CNTNAP2: variants seen among roughly 807,000 people sequenced by gnomAD.
CNTNAP2 encodes contactin-associated protein-like 2.
Under a neutral mutation model 155.2 loss-of-function variants are expected in CNTNAP2, and 98 were observed. The observed-to-expected ratio is 0.63, with a 90% CI of 0.54 to 0.75. CNTNAP2 has a LOEUF of 0.75. CNTNAP2 is among the 30% of genes least tolerant of loss of function. The pLI, the probability that CNTNAP2 is intolerant of heterozygous loss-of-function variation, is 0.00. For synonymous variants in CNTNAP2, 651 were observed against 631.2 expected (o/e 1.03, Z -0.47); for missense variants, 1,727 against 1,688.1 (o/e 1.02, Z -0.40).
intron 20 of CNTNAP2, among the ~76,000 whole-genome samples, chr7:148,238,387 C>A (rs1796085054): frequency 6.6e-6 from 1 of 152,174 alleles, no homozygotes; most frequent in Middle Eastern, 3.2e-3. Flanking sequence ...GGTCCCAGTG[C>A]TCACAAGAGA....
intron 12 of CNTNAP2, among the ~76,000 whole-genome samples, chr7:147,615,777 C>T (rs1801278102): frequency 6.6e-6 from 1 of 152,066 alleles, no homozygotes; most frequent in African/African-American, 2.4e-5. Context: ...CATGGAAACC[C>T]TCTTGGAAAG....
At chr7:147,832,907 ACT>A (rs921543301) in intron 13 of CNTNAP2, among the ~76,000 whole-genome samples, 9 of 149,474 alleles carry the variant, frequency 6.0e-5, no homozygotes, top group African/African-American at 2.2e-4. Flanking sequence ...AGGCTTAATA[ACT>A]CTGAGTCAAA....
Position 146,192,284 on chromosome 7 carries a change from A to G in CNTNAP2, c.97+75311A>G, listed in dbSNP as rs1798717276. On this transcript the variant is annotated intron_variant, in intron 1 of 23. Coordinates refer to ENST00000361727, the MANE Select transcript of CNTNAP2 (RefSeq NM_014141.6). ...AGCCTGTAAATACTTGTAACATGGA[A>G]TTTTTAGCCTGCCCCCCAAAAAAGC... 2.6e-5 allele frequency among the ~76,000 whole-genome samples: 4 copies of G among 152,194 alleles called. 1 individual carries two copies. The highest frequency in any genetic ancestry group is 1.9e-4 in the East Asian group (1 of 5,166).
At chr7:147,273,077 T>C (rs933846874) in intron 8 of CNTNAP2, among the ~76,000 whole-genome samples, 3 of 152,134 alleles carry the variant, frequency 2.0e-5, no homozygotes, top group Non-Finnish European at 4.4e-5. Flanking sequence ...GGGTTTCCAC[T>C]GCTGCTTAAA....
chr7:148,306,698 T>C (rs1797497378), intron 21 of CNTNAP2, among the ~76,000 whole-genome samples: 1 of 152,170 alleles, frequency 6.6e-6, no homozygotes, highest in South Asian at 2.1e-4. Context: ...ATGACGGTTT[T>C]CTCCCAAGTG....
chr7:147,464,402 G>T (rs1384965193), intron 10 of CNTNAP2, among the ~76,000 whole-genome samples: 1 of 150,350 alleles, frequency 6.7e-6, no homozygotes, highest in Non-Finnish European at 1.5e-5. Context: ...GGGAGGTGGA[G>T]GTTACAGTGG....
intron 13 of CNTNAP2, among the ~76,000 whole-genome samples, chr7:147,771,286 A>C (rs1473316699): frequency 6.6e-6 from 1 of 152,240 alleles, no homozygotes; most frequent in Non-Finnish European, 1.5e-5. Context: ...ACCTCAGGTT[A>C]GAACATACTT....
chr7:146,760,207 G>C (rs1276026444), intron 1 of CNTNAP2, among the ~76,000 whole-genome samples: 1 of 151,794 alleles, frequency 6.6e-6, no homozygotes, highest in East Asian at 1.9e-4. Flanking sequence ...ATATTTTATG[G>C]CCATTGCTCA....
chr7:148,180,392 G>A (rs1377882710), intron 18 of CNTNAP2, among the ~76,000 whole-genome samples: 1 of 151,918 alleles, frequency 6.6e-6, no homozygotes, highest in Non-Finnish European at 1.5e-5. Context: ...TCAGACCTTA[G>A]GATGCAATTT....
chr7:147,675,864 G>A lies in CNTNAP2; in HGVS notation c.2098+36558G>A, dbSNP rs539570190. Among the ~76,000 whole-genome samples, 8 of 152,064 alleles carry A rather than the reference G, an allele frequency of 5.3e-5. No individual in the cohort carries two copies. In the South Asian group the frequency reaches 1.7e-3, roughly 32 times the overall value. ...ACATGGATCTGCCACTCACATTGAGGAATTATGATCATGCCCATAATTCTT... is the reference window on the plus strand; with the variant it reads ...ACATGGATCTGCCACTCACATTGAGAAATTATGATCATGCCCATAATTCTT... On this transcript the variant is annotated intron_variant, in intron 13 of 23. Transcript: ENST00000361727.
At chr7:146,775,815 A>T (rs1333012165) in intron 2 of CNTNAP2, among the ~76,000 whole-genome samples, 2 of 152,148 alleles carry the variant, frequency 1.3e-5, no homozygotes, top group African/African-American at 2.4e-5. Flanking sequence ...GTATTCACAG[A>T]TCTATGAAGA....
intron 1 of CNTNAP2, among the ~76,000 whole-genome samples, chr7:146,457,021 A>G (rs1443470433): frequency 6.6e-6 from 1 of 152,194 alleles, no homozygotes; most frequent in Non-Finnish European, 1.5e-5. Context: ...TTCAAACTGC[A>G]TTGCATAACA....
chr7:146,837,410 C>T (rs536268637), intron 2 of CNTNAP2, among the ~76,000 whole-genome samples: 14 of 152,022 alleles, frequency 9.2e-5, no homozygotes, highest in African/African-American at 1.7e-4. Flanking sequence ...ATTTTGTTCT[C>T]GTTTGTTGCT....
At chr7:147,270,768 C>T (rs1452850522) in intron 8 of CNTNAP2, among the ~76,000 whole-genome samples, 1 of 152,202 alleles carries the variant, frequency 6.6e-6, no homozygotes, top group African/African-American at 2.4e-5. Context: ...CCTTAAGCCT[C>T]TGGTAAGCTG....
intron 1 of CNTNAP2, among the ~76,000 whole-genome samples, chr7:146,157,828 A>G (rs963005573): frequency 6.6e-6 from 1 of 152,226 alleles, no homozygotes; most frequent in African/African-American, 2.4e-5. Flanking sequence ...GTTGAACAAA[A>G]GGCAGCAGAA....
intron 14 of CNTNAP2, among the ~76,000 whole-genome samples, chr7:147,914,642 C>G (rs763838309): frequency 2.6e-4 from 40 of 152,190 alleles, no homozygotes; most frequent in Non-Finnish European, 4.7e-4. Flanking sequence ...CTCACTGCAA[C>G]CTCGACCTCC....
intron 8 of CNTNAP2, among the ~76,000 whole-genome samples, chr7:147,144,505 G>T (rs532443384): frequency 6.6e-6 from 1 of 152,112 alleles, no homozygotes; most frequent in Admixed American, 6.5e-5. Context: ...GTGAAATCTG[G>T]ATCACATGTA....
chr7:146,275,705 A>G (rs1800153235), intron 1 of CNTNAP2, among the ~76,000 whole-genome samples: 1 of 152,222 alleles, frequency 6.6e-6, no homozygotes, highest in South Asian at 2.1e-4. Flanking sequence ...CTAAGCACAC[A>G]TATCCACTGG....
chr7:146,329,536 T>C (rs1801147640), intron 1 of CNTNAP2, among the ~76,000 whole-genome samples: 1 of 152,230 alleles, frequency 6.6e-6, no homozygotes, highest in African/African-American at 2.4e-5. Context: ...ATGTATTAAA[T>C]AAATACTTGC....
Sources: allele counts gnomAD v4.1 joint callset (sites outside exome capture counted in the v4.1 genomes callset), GRCh38; gene constraint gnomAD v4.1.1; transcripts MANE v1.5; gene names NCBI Gene and HGNC (gene_info 2026-07-23, HGNC 2026-07-21).